Variants in PTPRJ observed in about 807,000 individuals in gnomAD.
PTPRJ encodes the protein protein tyrosine phosphatase receptor type J.
Under a neutral mutation model 141.3 loss-of-function variants are expected in PTPRJ, and 129 were observed. That is an observed-to-expected ratio of 0.91 (90% CI 0.79 to 1.06). The LOEUF (loss-of-function observed/expected upper bound fraction) is 1.06. PTPRJ is among the 50% of genes least tolerant of loss of function. The pLI is 0.00. For missense variants in PTPRJ, 1,601 were observed against 1,679.7 expected, an observed-to-expected ratio of 0.95 and a Z score of 0.82; for synonymous variants, 610 against 640.5, an observed-to-expected ratio of 0.95 and a Z score of 0.72.
At chr11:48,039,116 C>T (rs1854205084) in intron 1 of PTPRJ, among the ~76,000 whole-genome samples, 1 of 149,586 alleles carries the variant, frequency 6.7e-6, no homozygotes, top group Non-Finnish European at 1.5e-5. Context: ...TACCACTGCA[C>T]TCCAGCCTGG....
chr11:47,984,047 G>A (rs1017465449), intron 1 of PTPRJ, among the ~76,000 whole-genome samples: 6 of 152,062 alleles, frequency 3.9e-5, no homozygotes, highest in African/African-American at 1.4e-4. Context: ...TTTGCTTCAG[G>A]ACAACGGGAA....
intron 1 of PTPRJ, among the ~76,000 whole-genome samples, chr11:48,058,318 C>T (rs944641488): frequency 1.3e-5 from 2 of 152,158 alleles, no homozygotes; most frequent in Admixed American, 6.6e-5. Context: ...AATCCTCCTG[C>T]CTCCACCTCC....
intron 8 of PTPRJ, among the ~76,000 whole-genome samples, chr11:48,135,641 C>T (rs949715957): frequency 2.6e-5 from 4 of 152,046 alleles, no homozygotes; most frequent in African/African-American, 9.7e-5. Context: ...ACCACCACAC[C>T]CAACTAATTT....
At chr11:48,071,516 C>T (rs781224635) in intron 1 of PTPRJ, among the ~76,000 whole-genome samples, 13 of 151,472 alleles carry the variant, frequency 8.6e-5, no homozygotes, top group Admixed American at 4.6e-4. Flanking sequence ...CGGGGTTTCA[C>T]CGTGTTAGCC....
At chr11:48,048,953 T>A (rs2134244548) in intron 1 of PTPRJ, among the ~76,000 whole-genome samples, 1 of 152,308 alleles carries the variant, frequency 6.6e-6, no homozygotes, top group Admixed American at 6.5e-5. Flanking sequence ...CTGTCCAGGC[T>A]CACACAGCCA....
chr11:48,053,367 TAATATATATAA>T (rs1481945473), intron 1 of PTPRJ, among the ~76,000 whole-genome samples: 2 of 98,380 alleles, frequency 2.0e-5, no homozygotes, highest in South Asian at 2.4e-4. Flanking sequence ...TATAAAAATA[TAATATATATAA>T]AATATATATA....
intron 1 of PTPRJ, chr11:48,046,171 C>T (rs115684147): frequency 3.3e-5 from 5 of 152,074 alleles, no homozygotes; most frequent in East Asian, 1.9e-4. Flanking sequence ...CTGAGCCTCC[C>T]GAGTAGCTGG....
chr11:48,045,392 A>G (rs1168771584), intron 1 of PTPRJ, among the ~76,000 whole-genome samples: 2 of 152,136 alleles, frequency 1.3e-5, no homozygotes, highest in African/African-American at 2.4e-5. Flanking sequence ...GGGCCCTGAG[A>G]GTGATCAGAG....
At chr11:48,150,069 A>C (rs1277989338) in intron 17 of PTPRJ, 27 bp from the exon 18 acceptor site, 2 of 1,592,600 alleles carry the variant, frequency 1.3e-6, no homozygotes, top group Non-Finnish European at 1.7e-6. Flanking sequence ...TGAATGTAAA[A>C]AATCCTGATA....
intron 8 of PTPRJ, among the ~76,000 whole-genome samples, 196 bp from the exon 9 acceptor site, chr11:48,135,843 T>C (rs1008661862): frequency 6.6e-6 from 1 of 152,220 alleles, no homozygotes; most frequent in Non-Finnish European, 1.5e-5. Context: ...GGGAAGTTCA[T>C]GTGCGTCACA....
chr11:48,058,283 G>A (rs1256664731), intron 1 of PTPRJ, among the ~76,000 whole-genome samples: 3 of 152,042 alleles, frequency 2.0e-5, no homozygotes, highest in African/African-American at 7.2e-5. Context: ...ATAGCTCACT[G>A]CACCTTGACC....
chr11:47,984,599 C>T (rs1590380873), intron 1 of PTPRJ, among the ~76,000 whole-genome samples: 1 of 152,038 alleles, frequency 6.6e-6, no homozygotes, highest in East Asian at 1.9e-4. Flanking sequence ...CACTCTGTCA[C>T]CCAGGCTGGA....
intron 1 of PTPRJ, among the ~76,000 whole-genome samples, chr11:48,053,976 A>T (rs1205617927): frequency 6.9e-5 from 9 of 131,070 alleles, no homozygotes. Context: ...CTTGTCGCCC[A>T]GTCTGGAGTG....
chr11:48,119,906 C>T (rs951290951), intron 3 of PTPRJ, among the ~76,000 whole-genome samples: 1 of 152,172 alleles, frequency 6.6e-6, no homozygotes, highest in Non-Finnish European at 1.5e-5. Flanking sequence ...GTCTTCAGCT[C>T]AATTAGGATG....
At chr11:48,021,077 A>G (rs1855106116) in intron 1 of PTPRJ, among the ~76,000 whole-genome samples, 1 of 152,188 alleles carries the variant, frequency 6.6e-6, no homozygotes, top group Admixed American at 6.5e-5. Flanking sequence ...CAGAACCCTT[A>G]ACAAAAGGTT....
intron 1 of PTPRJ, among the ~76,000 whole-genome samples, chr11:48,062,230 C>T (rs1231725476): frequency 3.3e-5 from 5 of 151,556 alleles, no homozygotes; most frequent in Non-Finnish European, 7.4e-5. Context: ...AAGTGCCTGG[C>T]AGGCCAGGCG....
rs1326631179 is a variant in PTPRJ at position 48,130,600 on chromosome 11, C to T, written c.1499C>T (p.Thr500Ile). ...GAGNSRVEIT[T>I]NQSIIIGGLF... is the part of the protein sequence containing the mutation. ...GGCAATTCTCGGGTAGAAATAACCA[C>T]CAACCAAAGTATTATCATTGGTGGC... Residue 500 changes from threonine to isoleucine, a missense_variant, in exon 8 of 25, where the codon ACC becomes ATC. Transcript: ENST00000418331. The T allele has an allele frequency of 1.2e-6, 2 of 1,614,016 alleles. No homozygotes were observed. Among genetic ancestry groups the T allele is most frequent in the Admixed American group, 1.7e-5 (1 of 60,002 alleles).
intron 1 of PTPRJ, among the ~76,000 whole-genome samples, chr11:48,076,505 T>G (rs982557523): frequency 1.3e-5 from 2 of 152,154 alleles, no homozygotes; most frequent in Non-Finnish European, 2.9e-5. Context: ...CTTCTTCCCT[T>G]TTTTGGTTCT....
At chr11:48,078,558 T>G (rs768754300) in intron 1 of PTPRJ, among the ~76,000 whole-genome samples, 2 of 151,978 alleles carry the variant, frequency 1.3e-5, no homozygotes, top group Non-Finnish European at 2.9e-5. Context: ...CGGGATGGAT[T>G]TAAAAGGCGG....
Sources: gnomAD v4.1 joint callset for allele counts (sites outside exome capture counted in the v4.1 genomes callset) on GRCh38, gnomAD v4.1.1 for gene constraint, MANE v1.5 for transcripts, NCBI Gene and HGNC (gene_info 2026-07-23, HGNC 2026-07-21) for gene names.